The following OSBPL8 variants were observed in gnomAD, a reference collection of about 807,000 sequenced individuals.
The protein encoded by OSBPL8 is oxysterol binding protein like 8, also known as oxysterol-binding protein-related protein 8.
Under a neutral mutation model 125.5 loss-of-function variants are expected in OSBPL8, and 59 were observed. The ratio of observed to expected loss-of-function variants is 0.47; its 90% CI spans 0.38 to 0.58. OSBPL8 has a LOEUF of 0.58. OSBPL8 is among the 20% of genes least tolerant of loss of function. The pLI is 0.00. For missense variants in OSBPL8, 758 were observed against 1,047.8 expected (o/e 0.72, Z 3.82); for synonymous variants, 330 against 338.9 (o/e 0.97, Z 0.29).
intron 8 of OSBPL8, among the ~76,000 whole-genome samples, 170 bp downstream of exon 8, chr12:76,397,524 T>C (rs1051894307): frequency 7.2e-5 from 11 of 152,276 alleles, no homozygotes; most frequent in South Asian, 4.1e-4. Context: ...GTAAAGCTTT[T>C]TGGTGCACAT....
intron 4 of OSBPL8, among the ~76,000 whole-genome samples, chr12:76,449,936 A>G (rs1288942331): frequency 1.3e-5 from 2 of 152,176 alleles, no homozygotes; most frequent in African/African-American, 4.8e-5. Flanking sequence ...GCATATTATC[A>G]AAGAATATCT....
rs1951846137 is a variant in OSBPL8, at chr12:76,352,162, C to T, written c.*3727G>A. The T allele has an allele frequency of 6.6e-6, 1 of 152,502 alleles. No individual in the cohort carries two copies. Among genetic ancestry groups the T allele is most frequent in the South Asian group, 2.1e-4 (1 of 4,826 alleles). 9.4% of individuals were successfully genotyped at this position (152,502 alleles called of 1,614,324 possible). On this transcript the variant is annotated 3_prime_UTR_variant, in exon 24 of 24. Transcript: ENST00000261183. ...AAATTTCAACTGAAGTTCTGTGGCT[C>T]ATCAGTTCAAATGTTTCATGGCATT...
At chr12:76,558,567 T>C (rs1592922832) in intron 1 of OSBPL8, among the ~76,000 whole-genome samples, 1 of 152,340 alleles carries the variant, frequency 6.6e-6, no homozygotes, top group Non-Finnish European at 1.5e-5. Context: ...CATATATACT[T>C]ACATTATCAG....
intron 1 of OSBPL8, among the ~76,000 whole-genome samples, chr12:76,527,651 A>G (rs1272521263): frequency 6.6e-6 from 1 of 152,172 alleles, no homozygotes; most frequent in Non-Finnish European, 1.5e-5. Flanking sequence ...TGTTCCAATT[A>G]CTTTCCTACC....
chr12:76,555,892 C>T (rs899620194), intron 1 of OSBPL8, among the ~76,000 whole-genome samples: 3 of 152,132 alleles, frequency 2.0e-5, no homozygotes, highest in Admixed American at 6.5e-5. Flanking sequence ...CAAAAAAAGA[C>T]TTACTGTGCT....
intron 5 of OSBPL8, 83 bp from the exon 6 acceptor site, chr12:76,402,849 CA>C (rs1386844497): frequency 2.1e-5 from 18 of 873,376 alleles, no homozygotes; most frequent in East Asian, 5.3e-5. Flanking sequence ...AATTATGTGA[CA>C]TTTTTCTCAT....
At chr12:76,411,930 T>C (rs1213733143) in intron 4 of OSBPL8, among the ~76,000 whole-genome samples, 3 of 152,120 alleles carry the variant, frequency 2.0e-5, no homozygotes, top group Admixed American at 6.5e-5. Flanking sequence ...GGTGAGAACA[T>C]AGAGTGGCAT....
At chr12:76,480,167 CAAAAAAAAAAAA>C (rs57582036) in intron 2 of OSBPL8, among the ~76,000 whole-genome samples, 4 of 56,386 alleles carry the variant, frequency 7.1e-5, no homozygotes, top group African/African-American at 2.2e-4. Context: ...AACTCCATCT[CAAAAAAAAAAAA>C]AAAAAAAAAA....
chr12:76,411,575 T>A (rs1053588002), intron 4 of OSBPL8, among the ~76,000 whole-genome samples: 2 of 151,980 alleles, frequency 1.3e-5, no homozygotes, highest in Admixed American at 6.6e-5. Context: ...GGTTTATTAA[T>A]GTAACAGCTA....
chr12:76,545,344 A>G (rs913505471), intron 1 of OSBPL8, among the ~76,000 whole-genome samples: 2 of 152,148 alleles, frequency 1.3e-5, no homozygotes, highest in Non-Finnish European at 2.9e-5. Context: ...AAATATGAAC[A>G]CTGTTCTAAG....
chr12:76,533,262 A>G (rs1950399502), intron 1 of OSBPL8, among the ~76,000 whole-genome samples: 1 of 152,172 alleles, frequency 6.6e-6, no homozygotes, highest in African/African-American at 2.4e-5. Context: ...TGCAAGAACC[A>G]GGTTTTTTTT....
Position 76,469,444 on chromosome 12 carries a change from T to C in OSBPL8, c.43-9549A>G, listed in dbSNP as rs945624953. 2.6e-5 allele frequency among the ~76,000 whole-genome samples: 4 copies of C among 152,220 alleles called. No individual in the cohort carries two copies. In the East Asian group the frequency reaches 5.8e-4, roughly 22 times the overall value. ...GCAGGGGAGAGCCCACAGAGCTCCA[T>C]GTGTTCCTAGCAACACTGACTCTGT... On this transcript the variant is annotated intron_variant, in intron 2 of 23. Transcript: ENST00000261183.
intron 3 of OSBPL8, among the ~76,000 whole-genome samples, chr12:76,455,988 C>T (rs1227337433): frequency 2.6e-5 from 4 of 152,176 alleles, no homozygotes; most frequent in African/African-American, 2.4e-5. Flanking sequence ...TTGCTACTCA[C>T]ATTACTCATC....
intron 5 of OSBPL8, among the ~76,000 whole-genome samples, chr12:76,406,828 G>A (rs2136390879): frequency 6.6e-6 from 1 of 152,196 alleles, no homozygotes; most frequent in South Asian, 2.1e-4. Context: ...GCCCAGGCTG[G>A]TCTCGAACTC....
At chr12:76,426,776 A>G (rs556451577) in intron 4 of OSBPL8, among the ~76,000 whole-genome samples, 56 of 152,302 alleles carry the variant, frequency 3.7e-4, no homozygotes, top group Non-Finnish European at 5.3e-4. Context: ...GGATACATAG[A>G]AAACATTTCA....
chr12:76,467,831 A>G (rs1875650075), intron 2 of OSBPL8, among the ~76,000 whole-genome samples: 1 of 152,124 alleles, frequency 6.6e-6, no homozygotes, highest in Non-Finnish European at 1.5e-5. Context: ...CATAGTCCCT[A>G]CTGCCAAGAT....
rs926248204 is a variant in OSBPL8, at chr12:76,540,334, T to A, written c.-68+19063A>T. On this transcript the variant is annotated intron_variant, in intron 1 of 23. Coordinates refer to ENST00000261183, the MANE Select transcript of OSBPL8 (RefSeq NM_020841.5). Reference sequence around the variant, plus strand: ...GACCAGAACCAAGGTCTCTTGAGTCTAAGTCTAAGGTTGTAAGAATAAAAT... The same window carrying A: ...GACCAGAACCAAGGTCTCTTGAGTCAAAGTCTAAGGTTGTAAGAATAAAAT... Among the ~76,000 whole-genome samples the A allele has an allele frequency of 3.3e-5, 5 of 152,270 alleles. No homozygotes were observed. The East Asian group carries it at 5.8e-4, about 18-fold the overall frequency.
chr12:76,468,415 T>C (rs1875722271), intron 2 of OSBPL8, among the ~76,000 whole-genome samples: 1 of 152,240 alleles, frequency 6.6e-6, no homozygotes, highest in Admixed American at 6.5e-5. Context: ...TAAAGTGATC[T>C]GTAATTTTCT....
chr12:76,473,408 C>T (rs1876414871), intron 2 of OSBPL8, among the ~76,000 whole-genome samples: 1 of 152,128 alleles, frequency 6.6e-6, no homozygotes, highest in Non-Finnish European at 1.5e-5. Flanking sequence ...TGCCTTTTAT[C>T]TAGATTTCAC....
Sources: gnomAD v4.1 joint callset for allele counts (sites outside exome capture counted in the v4.1 genomes callset) on GRCh38, gnomAD v4.1.1 for gene constraint, MANE v1.5 for transcripts, NCBI Gene and HGNC (gene_info 2026-07-23, HGNC 2026-07-21) for gene names.